The following PID1 variants were observed in gnomAD, a reference collection of about 807,000 sequenced individuals.
PID1 encodes PTB-containing, cubilin and LRP1-interacting protein.
A neutral mutation model predicts 19.1 loss-of-function variants in PID1; 10 were observed. That is an observed-to-expected ratio of 0.52 (90% CI 0.32 to 0.89). PID1 has a LOEUF of 0.89. PID1 is among the 40% of genes least tolerant of loss of function. PID1 has a pLI of 0.03. For synonymous variants in PID1, 130 were observed against 116.0 expected (o/e 1.12, Z -0.78); for missense variants, 248 against 285.3 (o/e 0.87, Z 0.94).
At chr2:229,031,287 G>A (rs907549380) in intron 2 of PID1, among the ~76,000 whole-genome samples, 19 of 151,922 alleles carry the variant, frequency 1.3e-4, no homozygotes, top group Admixed American at 1.2e-3. Flanking sequence ...GCTGGGCGTG[G>A]TGGCTCAGGC....
chr2:229,046,706 T>C (rs2106179919), intron 2 of PID1, among the ~76,000 whole-genome samples: 1 of 152,266 alleles, frequency 6.6e-6, no homozygotes. Context: ...ACTAGAACCC[T>C]AGATTCAAAG....
At chr2:229,262,587 G>A in intron 1 of PID1, 3 of 1,471,872 alleles carry the variant, frequency 2.0e-6, no homozygotes, top group Admixed American at 2.4e-5. Context: ...TAGTCAAGAG[G>A]CTATATGGTT....
intron 1 of PID1, among the ~76,000 whole-genome samples, chr2:229,168,060 T>C (rs979429934): frequency 3.3e-5 from 5 of 152,216 alleles, no homozygotes; most frequent in African/African-American, 1.2e-4. Flanking sequence ...CCTTGTAATA[T>C]GTCTTTTGTT....
chr2:229,162,605 C>G (rs1308507354), intron 1 of PID1, among the ~76,000 whole-genome samples: 1 of 152,190 alleles, frequency 6.6e-6, no homozygotes, highest in African/African-American at 2.4e-5. Context: ...CCACAAGGAA[C>G]AATTGGGTGA....
chr2:229,144,411 A>G (rs1279898628), intron 2 of PID1, among the ~76,000 whole-genome samples: 1 of 152,184 alleles, frequency 6.6e-6, no homozygotes, highest in East Asian at 1.9e-4. Context: ...TGGGGAACAT[A>G]TTGATAGTCA....
Position 229,271,250 on chromosome 2 carries a change from G to A in PID1, c.-207C>T. On this transcript the variant is annotated 5_prime_UTR_variant, in exon 1 of 3. Coordinates refer to ENST00000392055, the MANE Select transcript of PID1 (RefSeq NM_001100818.2). Reference sequence around the variant, plus strand: ...CTGCCGGCAACTTGTGGGCACGGCCGCGCGCCGGCTGTCCTGGCGCAGCTG... The same window carrying A: ...CTGCCGGCAACTTGTGGGCACGGCCACGCGCCGGCTGTCCTGGCGCAGCTG... 1 of 450,542 alleles carries A rather than the reference G, an allele frequency of 2.2e-6. No homozygotes were observed. The highest frequency in any genetic ancestry group is 3.3e-5 in the South Asian group (1 of 30,246). 27.9% of individuals were successfully genotyped at this position (450,542 alleles called of 1,614,324 possible).
intron 1 of PID1, among the ~76,000 whole-genome samples, chr2:229,253,761 C>T (rs751190748): frequency 6.6e-6 from 1 of 152,184 alleles, no homozygotes; most frequent in Non-Finnish European, 1.5e-5. Context: ...ATATGCTCTG[C>T]CCCACATATC....
chr2:229,076,474 A>G (rs901521484), intron 2 of PID1, among the ~76,000 whole-genome samples: 1 of 151,964 alleles, frequency 6.6e-6, no homozygotes, highest in Non-Finnish European at 1.5e-5. Context: ...TACATGTGCC[A>G]TGGTGGTTTG....
chr2:229,079,954 G>C (rs1193980026), intron 2 of PID1, among the ~76,000 whole-genome samples: 1 of 152,168 alleles, frequency 6.6e-6, no homozygotes, highest in African/African-American at 2.4e-5. Context: ...AAGCTGTGAA[G>C]TGGGTCCAGG....
chr2:229,093,846 C>T (rs142453792), intron 2 of PID1, among the ~76,000 whole-genome samples: 135 of 152,242 alleles, frequency 8.9e-4, no homozygotes, highest in Middle Eastern at 6.8e-3. Context: ...CCACAGCCAG[C>T]ATCACATTGA....
intron 2 of PID1, among the ~76,000 whole-genome samples, chr2:229,042,728 A>G (rs370277878): frequency 9.8e-5 from 15 of 152,322 alleles, no homozygotes; most frequent in African/African-American, 2.9e-4. Context: ...AACCCAATGC[A>G]TGATGTGAAA....
Position 229,146,525 on chromosome 2 carries a change from TTGTGTG to T in PID1, c.177+9287_177+9292del, listed in dbSNP as rs143860908. 6.6e-3 allele frequency among the ~76,000 whole-genome samples: 988 copies of T among 148,720 alleles called. 11 individuals are homozygous for T. Among genetic ancestry groups the T allele is most frequent in the African/African-American group, 0.022 (909 of 40,690 alleles). ...AAAAAAATTATGAACTGTGAACATT[TTGTGTG>T]TGTGTGTGTGTGTGTGTGTGTTTGA... On this transcript the variant is annotated intron_variant, in intron 2 of 2. Transcript: ENST00000392055.
chr2:229,038,405 T>A (rs3845823), intron 2 of PID1, among the ~76,000 whole-genome samples: 1 of 151,848 alleles, frequency 6.6e-6, no homozygotes, highest in African/African-American at 2.4e-5. Flanking sequence ...TCTCTGGGGG[T>A]AATTATACTG....
At chr2:229,205,214 TACAC>T (rs747016188) in intron 1 of PID1, among the ~76,000 whole-genome samples, 3 of 151,650 alleles carry the variant, frequency 2.0e-5, no homozygotes, top group Admixed American at 6.6e-5. Flanking sequence ...GCACACATGC[TACAC>T]ACACACAATC....
At chr2:229,121,117 A>G (rs1414811923) in intron 2 of PID1, among the ~76,000 whole-genome samples, 1 of 152,138 alleles carries the variant, frequency 6.6e-6, no homozygotes, top group Admixed American at 6.5e-5. Context: ...AAATGGACTA[A>G]CACAATGATA....
intron 1 of PID1, among the ~76,000 whole-genome samples, chr2:229,240,859 G>A (rs1364416508): frequency 6.6e-6 from 1 of 151,896 alleles, no homozygotes; most frequent in African/African-American, 2.4e-5. Context: ...ATCTTATATT[G>A]CTTGATGTGT....
chr2:229,215,167 G>A (rs574992478), intron 1 of PID1, among the ~76,000 whole-genome samples: 18 of 152,342 alleles, frequency 1.2e-4, no homozygotes, highest in African/African-American at 4.3e-4. Flanking sequence ...TGATACGATA[G>A]TTGGGTCTGC....
At chr2:229,069,890 T>A (rs1306544269) in intron 2 of PID1, among the ~76,000 whole-genome samples, 1 of 152,210 alleles carries the variant, frequency 6.6e-6, no homozygotes, top group Non-Finnish European at 1.5e-5. Context: ...AAGACTCACA[T>A]TTCACACACA....
chr2:229,258,385 C>T (rs1394613899), intron 1 of PID1, among the ~76,000 whole-genome samples: 8 of 152,036 alleles, frequency 5.3e-5, no homozygotes, highest in Non-Finnish European at 1.0e-4. Context: ...AAGAAGAGAA[C>T]GCCAAGAAAA....
Sources: gnomAD v4.1 joint callset for allele counts (sites outside exome capture counted in the v4.1 genomes callset) on GRCh38, gnomAD v4.1.1 for gene constraint, MANE v1.5 for transcripts, NCBI Gene and HGNC (gene_info 2026-07-23, HGNC 2026-07-21) for gene names.